PDE11A: variants seen among roughly 807,000 people sequenced by gnomAD.
PDE11A encodes phosphodiesterase 11A, also known as dual 3',5'-cyclic-AMP and -GMP phosphodiesterase 11A.
PDE11A carries 100 observed loss-of-function variants against 100.5 expected under a neutral mutation model. The observed-to-expected ratio is 1.00, with a 90% CI of 0.85 to 1.18. The LOEUF (loss-of-function observed/expected upper bound fraction) is 1.18. Ranked by LOEUF, PDE11A falls within the 50% of genes most tolerant of loss-of-function variation. The pLI, the probability that PDE11A is intolerant of heterozygous loss-of-function variation, is 0.00. For synonymous variants in PDE11A, 381 were observed against 420.8 expected (o/e 0.91, Z 1.16); for missense variants, 1,141 against 1,152.6 (o/e 0.99, Z 0.15).
intron 10 of PDE11A, among the ~76,000 whole-genome samples, chr2:177,736,453 G>T (rs150793120): frequency 1.3e-5 from 2 of 151,946 alleles, no homozygotes; most frequent in Non-Finnish European, 2.9e-5. Flanking sequence ...AAACCCAGGA[G>T]GTGGAGGTTG....
intron 15 of PDE11A, among the ~76,000 whole-genome samples, chr2:177,695,076 C>A (rs1574052375): frequency 6.8e-6 from 1 of 147,360 alleles, no homozygotes; most frequent in East Asian, 2.1e-4. Flanking sequence ...TGGTTTTCTG[C>A]ATGTAATAGT....
At chr2:177,971,693 T>C (rs2085772173) in intron 2 of PDE11A, among the ~76,000 whole-genome samples, 1 of 152,230 alleles carries the variant, frequency 6.6e-6, no homozygotes, top group East Asian at 1.9e-4. Flanking sequence ...GAGGCTGATA[T>C]TTATAATAAG....
chr2:177,714,996 C>T (rs551883304), intron 12 of PDE11A, among the ~76,000 whole-genome samples: 93 of 152,296 alleles, frequency 6.1e-4, no homozygotes, highest in African/African-American at 2.2e-3. Context: ...GTGTCTGGTT[C>T]CCCACCTCCT....
At chr2:177,914,810 A>G (rs2084928904) in intron 2 of PDE11A, among the ~76,000 whole-genome samples, 1 of 152,164 alleles carries the variant, frequency 6.6e-6, no homozygotes, top group South Asian at 2.1e-4. Flanking sequence ...CATTCACATT[A>G]TTTCCTCCTA....
chr2:178,071,955 T>C lies in PDE11A; in HGVS notation c.483A>G (p.Ala161=). Residue 161 remains alanine, a synonymous_variant, in exon 1 of 20, where the codon GCA becomes GCG. Coordinates refer to ENST00000286063, the MANE Select transcript of PDE11A (RefSeq NM_016953.4). Reference sequence around the variant, plus strand: ...GGGCTGTGGTGGGGGGCAGGGAGCTTGCCTTCCGGAGAAGTGCCCTCCGTC... The same window carrying C: ...GGGCTGTGGTGGGGGGCAGGGAGCTCGCCTTCCGGAGAAGTGCCCTCCGTC... ...SVRRRALLRK[A]SSLPPTTAHI... The C allele has an allele frequency of 6.2e-7, 1 of 1,614,088 alleles. No individual in the cohort carries two copies. Among genetic ancestry groups the C allele is most frequent in the Non-Finnish European group, 8.5e-7 (1 of 1,179,960 alleles).
At chr2:178,032,446 C>T (rs1031123174) in intron 1 of PDE11A, among the ~76,000 whole-genome samples, 4 of 151,036 alleles carry the variant, frequency 2.6e-5, no homozygotes, top group African/African-American at 4.9e-5. Flanking sequence ...ATCGCATCAC[C>T]GCACTCTAGC....
chr2:177,832,506 T>A (rs2083326674), intron 6 of PDE11A, among the ~76,000 whole-genome samples: 1 of 152,096 alleles, frequency 6.6e-6, no homozygotes, highest in Non-Finnish European at 1.5e-5. Context: ...TCCAGCCTAT[T>A]GTAGGACCTT....
At chr2:177,942,452 G>A (rs1021087530) in intron 2 of PDE11A, among the ~76,000 whole-genome samples, 1 of 150,070 alleles carries the variant, frequency 6.7e-6, no homozygotes, top group Admixed American at 6.6e-5. Flanking sequence ...GCCCAGGCTG[G>A]AGTGCAATGG....
chr2:177,772,268 T>A (rs1024474536), intron 9 of PDE11A, among the ~76,000 whole-genome samples: 8 of 152,132 alleles, frequency 5.3e-5, no homozygotes, highest in African/African-American at 1.7e-4. Flanking sequence ...CTGGGAAATT[T>A]TAACCAAGGA....
At chr2:177,916,852 C>T (rs1441522541) in intron 2 of PDE11A, among the ~76,000 whole-genome samples, 2 of 151,552 alleles carry the variant, frequency 1.3e-5, no homozygotes, top group Admixed American at 6.6e-5. Context: ...CTCCGCCTCC[C>T]GGGTCCACCG....
intron 2 of PDE11A, among the ~76,000 whole-genome samples, chr2:177,973,229 C>A (rs1418588535): frequency 7.3e-6 from 1 of 136,304 alleles, no homozygotes; most frequent in Non-Finnish European, 1.6e-5. Context: ...AGTGTGTGTG[C>A]GCACCGTGCG....
At chr2:177,836,018 A>C (rs2083392319) in intron 6 of PDE11A, among the ~76,000 whole-genome samples, 1 of 152,138 alleles carries the variant, frequency 6.6e-6, no homozygotes, top group Admixed American at 6.5e-5. Flanking sequence ...GCTCTGCAGC[A>C]CCCGGTCCTA....
chr2:177,695,389 T>A (rs2081096609), intron 15 of PDE11A, among the ~76,000 whole-genome samples: 1 of 152,214 alleles, frequency 6.6e-6, no homozygotes. Flanking sequence ...AGTATAAATA[T>A]GTCCCAAATG....
intron 6 of PDE11A, among the ~76,000 whole-genome samples, chr2:177,820,619 A>G (rs1343608432): frequency 6.6e-6 from 1 of 151,982 alleles, no homozygotes; most frequent in East Asian, 1.9e-4. Context: ...AATTCCAGCA[A>G]CTGTTTCTCC....
intron 19 of PDE11A, among the ~76,000 whole-genome samples, chr2:177,635,696 G>A (rs1395608838): frequency 2.0e-5 from 3 of 152,102 alleles, no homozygotes; most frequent in Admixed American, 6.6e-5. Flanking sequence ...GATGTTTTCA[G>A]TGTCTTGAGT....
chr2:177,724,631 C>T (rs922497367), intron 12 of PDE11A, among the ~76,000 whole-genome samples: 5 of 152,056 alleles, frequency 3.3e-5, no homozygotes, highest in Admixed American at 6.5e-5. Context: ...TTTAACAGCA[C>T]GGTATGCAAG....
At chr2:177,651,757 G>C (rs1013878260) in intron 19 of PDE11A, among the ~76,000 whole-genome samples, 1 of 151,916 alleles carries the variant, frequency 6.6e-6, no homozygotes, top group Non-Finnish European at 1.5e-5. Context: ...ATGATATATT[G>C]AATCAAAGAC....
intron 2 of PDE11A, among the ~76,000 whole-genome samples, chr2:177,991,407 G>A (rs1168362514): frequency 1.3e-5 from 2 of 150,708 alleles, no homozygotes; most frequent in African/African-American, 2.4e-5. Context: ...AGGCCAAGGC[G>A]GGCAGATCAT....
chr2:177,846,231 C>G (rs1237964665), intron 5 of PDE11A, among the ~76,000 whole-genome samples: 3 of 152,094 alleles, frequency 2.0e-5, no homozygotes, highest in Non-Finnish European at 4.4e-5. Context: ...TTGCTGATTT[C>G]TAGCAAAGTG....
Sources: gnomAD v4.1 joint callset for allele counts (sites outside exome capture counted in the v4.1 genomes callset) on GRCh38, gnomAD v4.1.1 for gene constraint, MANE v1.5 for transcripts, NCBI Gene and HGNC (gene_info 2026-07-23, HGNC 2026-07-21) for gene names.